NINJ2: variants seen among roughly 807,000 people sequenced by gnomAD.
The protein encoded by NINJ2 is ninjurin 2.
NINJ2 carries 12 observed loss-of-function variants against 11.7 expected under a neutral mutation model. The observed-to-expected ratio is 1.02, with a 90% CI of 0.66 to 1.66. The LOEUF is 1.66. Among genes scored for constraint, NINJ2 ranks in the 40% most tolerant of loss-of-function variants. The pLI is 0.00. For missense variants in NINJ2, 187 were observed against 181.8 expected (o/e 1.03, Z -0.16); for synonymous variants, 93 against 76.8 (o/e 1.21, Z -1.10).
chr12:663,274 C>G, intron 1 of NINJ2, 54 bp downstream of exon 1: 1 of 1,527,178 alleles, frequency 6.5e-7, no homozygotes, highest in African/African-American at 1.4e-5. Flanking sequence ...TCTGTTCTTC[C>G]AGCTTCACCT....
Position 628,900 on chromosome 12 carries a change from G to T in NINJ2, c.33+34428C>A, listed in dbSNP as rs563273088. Among the ~76,000 whole-genome samples, 1 of 152,286 alleles carries T rather than the reference G, an allele frequency of 6.6e-6. No individual in the cohort carries two copies. Among genetic ancestry groups the T allele is most frequent in the African/African-American group, 2.4e-5 (1 of 41,564 alleles). On this transcript the variant is annotated intron_variant, in intron 1 of 3. Transcript: ENST00000305108. This position sits in a 1 kb window ranked among gnomAD's most constrained non-coding sequence, Gnocchi z 4.4. Reference sequence around the variant, plus strand: ...ATCCTATATGGTCTAAAAGAAGGAGGAGTCCTCAACTGGGGGAGGGGGAAA... The same window carrying T: ...ATCCTATATGGTCTAAAAGAAGGAGTAGTCCTCAACTGGGGGAGGGGGAAA...
chr12:610,615 T>C, intron 1 of NINJ2: 1 of 985,342 alleles, frequency 1.0e-6, no homozygotes, highest in Non-Finnish European at 1.2e-6. Flanking sequence ...AGGAGGGGGT[T>C]ACCAGGCAGG....
intron 1 of NINJ2, among the ~76,000 whole-genome samples, chr12:661,421 C>G (rs1271685875): frequency 6.6e-6 from 1 of 152,144 alleles, no homozygotes; most frequent in East Asian, 1.9e-4. Flanking sequence ...GGATAACCTT[C>G]TGAGCAAAGG....
intron 1 of NINJ2, among the ~76,000 whole-genome samples, chr12:623,688 A>G (rs377610075): frequency 2.0e-5 from 3 of 152,294 alleles, no homozygotes; most frequent in East Asian, 3.9e-4. Context: ...AGGTGCCACA[A>G]TTTGCACCAG....
At chr12:572,589 A>C (rs2607939) in intron 1 of NINJ2, among the ~76,000 whole-genome samples, 55,372 of 152,088 alleles carry the variant, frequency 0.36, 11,235 homozygotes, top group Non-Finnish European at 0.47. Flanking sequence ...TGGGCCTGTC[A>C]CACTGTGTGC....
intron 1 of NINJ2, among the ~76,000 whole-genome samples, chr12:608,289 C>T (rs532407197): frequency 6.6e-6 from 1 of 152,312 alleles, no homozygotes; most frequent in South Asian, 2.1e-4. Context: ...CAACGGCCGT[C>T]CTTGTGAAGG....
intron 1 of NINJ2, among the ~76,000 whole-genome samples, chr12:575,474 C>T (rs562468685): frequency 6.6e-6 from 1 of 152,322 alleles, no homozygotes; most frequent in East Asian, 1.9e-4. Context: ...TCACCATGCT[C>T]CCCCCAGGGA....
chr12:600,746 A>T (rs1947856372), intron 1 of NINJ2, among the ~76,000 whole-genome samples: 1 of 150,608 alleles, frequency 6.6e-6, no homozygotes, highest in Admixed American at 6.6e-5. Flanking sequence ...GCATGGTGTC[A>T]TCATAGCTCA....
chr12:567,274 G>T (rs924456284), intron 1 of NINJ2, among the ~76,000 whole-genome samples: 1 of 151,370 alleles, frequency 6.6e-6, no homozygotes, highest in African/African-American at 2.5e-5. Flanking sequence ...TGGAGGTAGG[G>T]AAGATGACCC....
chr12:649,032 A>ATCTATCTATCTATCTATCTC (rs1191391738), intron 1 of NINJ2, among the ~76,000 whole-genome samples: 62 of 149,300 alleles, frequency 4.2e-4, no homozygotes, highest in African/African-American at 1.5e-3. Flanking sequence ...CTATCTATCT[A>ATCTATCTATCTATCTATCTC]TCTCAAGTGA....
intron 1 of NINJ2, among the ~76,000 whole-genome samples, chr12:627,029 G>A (rs187838714): frequency 6.6e-6 from 1 of 152,200 alleles, no homozygotes; most frequent in Admixed American, 6.5e-5. Flanking sequence ...AGGTTGCAGT[G>A]AGCTATGATT....
At position 661,505 on chromosome 12, in the gene NINJ2, C is replaced by T. The variant is rs188325022; in HGVS notation, c.33+1823G>A. On this transcript the variant is annotated intron_variant, in intron 1 of 3. Coordinates refer to ENST00000305108, the MANE Select transcript of NINJ2 (RefSeq NM_016533.6). Reference sequence around the variant, plus strand: ...ACAAATGAAGAGAAAGGTACACTAACACCTCAGTTACCTGCTAGAGAGAGA... The same window carrying T: ...ACAAATGAAGAGAAAGGTACACTAATACCTCAGTTACCTGCTAGAGAGAGA... Among the ~76,000 whole-genome samples the T allele has an allele frequency of 1.5e-4, 23 of 152,352 alleles. No homozygotes were observed. The East Asian group carries it at 4.4e-3, about 29-fold the overall frequency.
chr12:658,223 T>TC (rs1937898808), intron 1 of NINJ2, among the ~76,000 whole-genome samples: 1 of 152,116 alleles, frequency 6.6e-6, no homozygotes, highest in Admixed American at 6.6e-5. Flanking sequence ...CAGGCTGGTC[T>TC]CGAACTCCTA....
chr12:575,186 G>A lies in NINJ2; in HGVS notation c.34-9008C>T, dbSNP rs560331200. On this transcript the variant is annotated intron_variant, in intron 1 of 3. Coordinates refer to ENST00000305108, the MANE Select transcript of NINJ2 (RefSeq NM_016533.6). ...TCCTGCTGGCTCTCGCCTTCGAGCC[G>A]CCTGCAGGAAGGGAAACACTCACAC... Among the ~76,000 whole-genome samples, 51 of 152,296 alleles carry A rather than the reference G, an allele frequency of 3.3e-4. No individual in the cohort carries two copies. In the South Asian group the frequency reaches 3.7e-3, roughly 11 times the overall value.
chr12:604,531 G>A lies in NINJ2; in HGVS notation c.34-38353C>T, dbSNP rs377648571. Among the ~76,000 whole-genome samples the A allele has an allele frequency of 5.3e-4, 80 of 152,224 alleles. No homozygotes were observed. In the South Asian group the frequency reaches 0.014, roughly 27 times the overall value. Reference sequence around the variant, plus strand: ...TGGGCACCTGTAATCCCAGCTACTCGGGAGGCTGAGGCACGAGAATCGCTT... The same window carrying A: ...TGGGCACCTGTAATCCCAGCTACTCAGGAGGCTGAGGCACGAGAATCGCTT... On this transcript the variant is annotated intron_variant, in intron 1 of 3. Coordinates refer to ENST00000305108, the MANE Select transcript of NINJ2 (RefSeq NM_016533.6).
intron 1 of NINJ2, among the ~76,000 whole-genome samples, chr12:587,831 C>T (rs1947660756): frequency 6.6e-6 from 1 of 152,196 alleles, no homozygotes; most frequent in African/African-American, 2.4e-5. Flanking sequence ...CTCTTCCTTC[C>T]ATTAAGCTGG....
chr12:630,132 G>T (rs1360627158), intron 1 of NINJ2, among the ~76,000 whole-genome samples: 1 of 151,358 alleles, frequency 6.6e-6, no homozygotes. Flanking sequence ...TAGCAAAATG[G>T]AATTTTACCA....
At chr12:661,075 GA>G (rs139179759) in intron 1 of NINJ2, among the ~76,000 whole-genome samples, 33,605 of 152,170 alleles carry the variant, frequency 0.22, 3,789 homozygotes, top group South Asian at 0.27. Context: ...TTTAACTAAA[GA>G]GTGTTATTGT....
chr12:641,311 C>T (rs969144467), intron 1 of NINJ2, among the ~76,000 whole-genome samples: 1 of 151,908 alleles, frequency 6.6e-6, no homozygotes, highest in Non-Finnish European at 1.5e-5. Context: ...CTCCCCCAAC[C>T]CAACCCCCTC....
Sources: allele counts gnomAD v4.1 joint callset (sites outside exome capture counted in the v4.1 genomes callset), GRCh38; gene constraint gnomAD v4.1.1; non-coding constraint Gnocchi (gnomAD v3.1); transcripts MANE v1.5; gene names NCBI Gene and HGNC (gene_info 2026-07-23, HGNC 2026-07-21).